The following CDS2 variants were observed in gnomAD, a reference collection of about 807,000 sequenced individuals.
CDS2 encodes phosphatidate cytidylyltransferase 2.
CDS2 carries 47 observed loss-of-function variants against 59.0 expected under a neutral mutation model. That is an observed-to-expected ratio of 0.80 (90% CI 0.63 to 1.02). CDS2 has a LOEUF of 1.02. Ranked by LOEUF, CDS2 falls within the 50% of genes least tolerant of loss-of-function variation. The pLI, the probability that CDS2 is intolerant of heterozygous loss-of-function variation, is 0.00. For missense variants in CDS2, 356 were observed against 558.9 expected (o/e 0.64, Z 3.66); for synonymous variants, 207 against 206.4 (o/e 1.00, Z -0.02).
intron 1 of CDS2, among the ~76,000 whole-genome samples, chr20:5,158,260 C>A (rs1332001457): frequency 1.3e-5 from 2 of 150,594 alleles, no homozygotes; most frequent in Non-Finnish European, 2.9e-5. Context: ...ACTTCTGCCT[C>A]TCGAGATCAA....
intron 8 of CDS2, 142 bp downstream of exon 8, chr20:5,185,087 A>G: frequency 1.5e-6 from 1 of 679,076 alleles, no homozygotes. Flanking sequence ...AGAAAGGCCA[A>G]AGGAAAACAC....
chr20:5,161,500 CAATT>C (rs1368127452), intron 1 of CDS2, among the ~76,000 whole-genome samples: 2 of 152,182 alleles, frequency 1.3e-5, no homozygotes, highest in Non-Finnish European at 2.9e-5. Context: ...AGGATTCAAT[CAATT>C]GATAACTGAC....
intron 8 of CDS2, among the ~76,000 whole-genome samples, 156 bp from the exon 9 acceptor site, chr20:5,185,602 T>C (rs1342615380): frequency 4.6e-5 from 7 of 152,130 alleles, no homozygotes; most frequent in Non-Finnish European, 1.0e-4. Context: ...GGATATAAGA[T>C]AGGGAACAAG....
chr20:5,169,605 T>C (rs988202023), intron 1 of CDS2, among the ~76,000 whole-genome samples: 2 of 152,244 alleles, frequency 1.3e-5, no homozygotes, highest in Non-Finnish European at 2.9e-5. Flanking sequence ...ATGGTGTTTT[T>C]ACCATGTTCC....
chr20:5,148,718 A>G (rs1731130650), intron 1 of CDS2, among the ~76,000 whole-genome samples: 1 of 152,228 alleles, frequency 6.6e-6, no homozygotes, highest in Non-Finnish European at 1.5e-5. Context: ...TGCGGTTTGC[A>G]CCGTGGTTGG....
chr20:5,186,856 G>C lies in CDS2; in HGVS notation c.981+17G>C. 3.7e-6 allele frequency: 6 copies of C among 1,613,390 alleles called. No individual in the cohort carries two copies. The highest frequency in any genetic ancestry group is 5.1e-6 in the Non-Finnish European group (6 of 1,179,570). ...ATTGGCTGGGTATGTGCCACTCACA[G>C]GGGGTGAGCGGCCTCCATGGACAGT... On this transcript the variant is annotated intron_variant, in intron 10 of 12. Transcript: ENST00000460006.
At chr20:5,141,632 G>T (rs2090694887) in intron 1 of CDS2, among the ~76,000 whole-genome samples, 1 of 152,134 alleles carries the variant, frequency 6.6e-6, no homozygotes, top group Non-Finnish European at 1.5e-5. Context: ...ATTGGGTGGG[G>T]GGTGATGGGG....
chr20:5,151,605 A>AAAG (rs1050766687), intron 1 of CDS2, among the ~76,000 whole-genome samples: 3 of 151,704 alleles, frequency 2.0e-5, no homozygotes, highest in African/African-American at 7.3e-5. Context: ...TAAAAAAAAA[A>AAAG]TAAATAAAAT....
chr20:5,161,854 C>T (rs1017749283), intron 1 of CDS2, among the ~76,000 whole-genome samples: 28 of 152,202 alleles, frequency 1.8e-4, no homozygotes, highest in Non-Finnish European at 7.3e-5. Context: ...ATTGGACGTA[C>T]TTGGCCTCTA....
rs547302260 is a variant in CDS2 at position 5,195,282 on chromosome 20, A to G, written c.*5048A>G. 1.3e-5 allele frequency: 2 copies of G among 152,534 alleles called. No homozygotes were observed. Among genetic ancestry groups the G allele is most frequent in the East Asian group, 3.9e-4 (2 of 5,160 alleles). 9.4% of individuals were successfully genotyped at this position (152,534 alleles called of 1,614,324 possible). A position where few individuals can be genotyped will look rare whatever the true frequency, so the allele number is the denominator to read the frequency against. The stretch of plus-strand genomic sequence containing the variant: ...CAGAGATGGGATTGTCAGCCACCAC[A>G]CTGCCACCACCCTGCACACAGTCTG... On this transcript the variant is annotated 3_prime_UTR_variant, in exon 13 of 13. Coordinates refer to ENST00000460006, the MANE Select transcript of CDS2 (RefSeq NM_003818.4).
chr20:5,153,913 A>AT (rs1036850112), intron 1 of CDS2, among the ~76,000 whole-genome samples: 5 of 152,204 alleles, frequency 3.3e-5, no homozygotes, highest in Admixed American at 2.6e-4. Flanking sequence ...AACTTTCATG[A>AT]TATTTGTCTT....
intron 1 of CDS2, among the ~76,000 whole-genome samples, chr20:5,132,108 T>G (rs2090612327): frequency 1.3e-5 from 2 of 152,052 alleles, no homozygotes; most frequent in South Asian, 4.2e-4. Flanking sequence ...TTTAATTTTT[T>G]TTTTTTTGAG....
intron 1 of CDS2, among the ~76,000 whole-genome samples, chr20:5,132,537 A>G (rs551595768): frequency 2.0e-5 from 3 of 152,318 alleles, no homozygotes; most frequent in South Asian, 4.1e-4. Context: ...TTGAGATTGA[A>G]CTACTCAAAT....
intron 1 of CDS2, among the ~76,000 whole-genome samples, chr20:5,145,427 A>G (rs767950986): frequency 6.6e-6 from 1 of 152,052 alleles, no homozygotes; most frequent in Non-Finnish European, 1.5e-5. Flanking sequence ...TGTAATTTGC[A>G]TAGTTGTTTC....
chr20:5,182,808 T>C (rs1403989419), intron 6 of CDS2, among the ~76,000 whole-genome samples: 1 of 152,214 alleles, frequency 6.6e-6, no homozygotes, highest in African/African-American at 2.4e-5. Flanking sequence ...CTCCAGGTGC[T>C]CAATAACTAC....
chr20:5,175,075 G>T, intron 2 of CDS2, 108 bp from the exon 3 acceptor site: 1 of 805,472 alleles, frequency 1.2e-6, no homozygotes, highest in South Asian at 1.5e-5. Flanking sequence ...GGAAAGGACT[G>T]AGCTCAGGGC....
In CDS2 at chr20:5,189,102, C is replaced by T; in HGVS notation, c.1017C>T (p.Ser339=). The change falls in exon 11 of 13, where the codon AGC becomes AGT. Residue 339 remains serine (S), a synonymous_variant. Transcript: ENST00000460006. ...TVRMYPFQIH[S]IALSTFASLI... is the part of the protein sequence containing the mutation. The stretch of plus-strand genomic sequence containing the variant: ...GGATGTACCCCTTCCAGATTCACAG[C>T]ATCGCTCTCTCCACCTTTGCCTCGC... 4 of 1,614,196 alleles carry T rather than the reference C, an allele frequency of 2.5e-6. No homozygotes were observed. Among genetic ancestry groups the T allele is most frequent in the South Asian group, 1.1e-5 (1 of 91,084 alleles).
In CDS2 at chr20:5,136,169, T is replaced by C. The variant is rs192187388; in HGVS notation, c.57+9020T>C. 2.9e-4 allele frequency among the ~76,000 whole-genome samples: 44 copies of C among 152,286 alleles called. No homozygotes were observed. In the East Asian group the frequency reaches 7.9e-3, roughly 27 times the overall value. On this transcript the variant is annotated intron_variant, in intron 1 of 12. Coordinates refer to ENST00000460006, the MANE Select transcript of CDS2 (RefSeq NM_003818.4). ...CTCAGAGCCATATCTCCACAGTCCATGCCTGGCTAGTCCTGTGGTTTCAGT... is the reference window on the plus strand; with the variant it reads ...CTCAGAGCCATATCTCCACAGTCCACGCCTGGCTAGTCCTGTGGTTTCAGT...
chr20:5,144,497 C>G (rs67008654), intron 1 of CDS2, among the ~76,000 whole-genome samples: 11,182 of 152,166 alleles, frequency 0.073, 474 homozygotes, highest in Middle Eastern at 0.16. Flanking sequence ...CTTTAATCTT[C>G]CTATGATGGC....
Sources: allele counts gnomAD v4.1 joint callset (sites outside exome capture counted in the v4.1 genomes callset), GRCh38; gene constraint gnomAD v4.1.1; transcripts MANE v1.5; gene names NCBI Gene and HGNC (gene_info 2026-07-23, HGNC 2026-07-21).